The following CRYBG2 variants were observed in gnomAD, a reference collection of about 807,000 sequenced individuals.
The protein encoded by CRYBG2 is beta/gamma crystallin domain-containing protein 2.
In CRYBG2, 106 loss-of-function variants were observed where a neutral mutation model predicts 153.4. The observed-to-expected ratio is 0.69, with a 90% CI of 0.59 to 0.81. CRYBG2 has a LOEUF of 0.81. CRYBG2 is among the 30% of genes least tolerant of loss of function. The probability of loss-of-function intolerance (pLI) is 0.00; values close to 1 mark genes in which losing one functional copy is unlikely to be tolerated. For synonymous variants in CRYBG2, 851 were observed against 877.8 expected (o/e 0.97, Z 0.54); for missense variants, 1,996 against 2,112.0 (o/e 0.95, Z 1.08).
intron 18 of CRYBG2, 49 bp downstream of exon 18, chr1:26,324,103 G>A (rs759914836): frequency 2.5e-6 from 4 of 1,583,370 alleles, no homozygotes; most frequent in Non-Finnish European, 2.6e-6. Flanking sequence ...GAGTGGACCT[G>A]CAAATGCCTA....
Position 26,325,487 on chromosome 1 carries a change from G to A in CRYBG2, c.4579-1177C>T, listed in dbSNP as rs1302810837. Among the ~76,000 whole-genome samples the A allele has an allele frequency of 2.0e-5, 3 of 150,684 alleles. No individual in the cohort carries two copies. The highest frequency in any genetic ancestry group is 4.4e-5 in the Non-Finnish European group (3 of 67,598). ...AGGCAGGAGAATCGCTTGAACCCGG[G>A]AGATGTAGGTTGCAGTGAGCCGAGA... On this transcript the variant is annotated intron_variant, in intron 17 of 19. Transcript: ENST00000308182. This position sits in a 1 kb window ranked among gnomAD's most constrained non-coding sequence, Gnocchi z 4.1.
intron 17 of CRYBG2, chr1:26,326,996 T>G (rs2073933745): frequency 2.0e-6 from 1 of 507,706 alleles, no homozygotes; most frequent in African/African-American, 1.9e-5. Flanking sequence ...AAAATCCTTA[T>G]GAAAGTGTTG....
rs1382811708 is a variant in CRYBG2 at position 26,342,867 on chromosome 1, C to G, written c.3091G>C (p.Glu1031Gln). Reference sequence around the variant, plus strand: ...AGCTTCTGACCCCGGAACTCTGGCTCTTCGTACAGCACCCAGCTGTGGGCA... The same window carrying G: ...AGCTTCTGACCCCGGAACTCTGGCTGTTCGTACAGCACCCAGCTGTGGGCA... ...VVRGCWVLYE[E>Q]PEFRGQKLVL... The change falls in exon 5 of 20, where the codon GAG becomes CAG. Residue 1031 changes from glutamate (E) to glutamine (Q), a missense_variant. Coordinates refer to ENST00000308182, the MANE Select transcript of CRYBG2 (RefSeq NM_001039775.4). 6.2e-7 allele frequency: 1 copy of G among 1,614,154 alleles called. No individual in the cohort carries two copies. The highest frequency in any genetic ancestry group is 8.5e-7 in the Non-Finnish European group (1 of 1,180,022).
intron 1 of CRYBG2, among the ~76,000 whole-genome samples, chr1:26,348,387 C>A (rs2074249533): frequency 6.6e-6 from 1 of 152,096 alleles, no homozygotes; most frequent in South Asian, 2.1e-4. Flanking sequence ...AAAGACTCTA[C>A]AAGTCTCTAC....
In CRYBG2 at chr1:26,336,416, T is replaced by C; in HGVS notation, c.4039-46A>G. 6.2e-7 allele frequency: 1 copy of C among 1,604,756 alleles called. No individual in the cohort carries two copies. The highest frequency in any genetic ancestry group is 2.3e-5 in the East Asian group (1 of 44,340). ...GAGAATTAGGGAGGGTGCCGGCCCCTAGCCTTGTCTTCTCTAGGTTTCAGT... is the reference window on the plus strand; with the variant it reads ...GAGAATTAGGGAGGGTGCCGGCCCCCAGCCTTGTCTTCTCTAGGTTTCAGT... On this transcript the variant is annotated intron_variant, in intron 12 of 19. Coordinates refer to ENST00000308182, the MANE Select transcript of CRYBG2 (RefSeq NM_001039775.4). The surrounding 1 kb of genome is among the most constrained non-coding windows in gnomAD (Gnocchi z 4.9).
chr1:26,341,411 T>A (rs892234746), intron 5 of CRYBG2, among the ~76,000 whole-genome samples: 1 of 152,190 alleles, frequency 6.6e-6, no homozygotes, highest in Non-Finnish European at 1.5e-5. Flanking sequence ...TTACAGTCAT[T>A]GCTCTTCCTT....
rs1452407774 is a variant in CRYBG2, at chr1:26,321,875, C to T, written c.*93G>A. 1.8e-6 allele frequency: 2 copies of T among 1,121,416 alleles called. No individual in the cohort carries two copies. The highest frequency in any genetic ancestry group is 2.5e-6 in the Non-Finnish European group (2 of 806,106). 69.5% of individuals were successfully genotyped at this position (1,121,416 alleles called of 1,614,324 possible). On this transcript the variant is annotated 3_prime_UTR_variant, in exon 20 of 20. Coordinates refer to ENST00000308182, the MANE Select transcript of CRYBG2 (RefSeq NM_001039775.4). ...GCACAGAGACAAGGGTACCTGGCAG[C>T]ATATTAGAAAATAGCTTATGTTACA... is the stretch of plus-strand genomic sequence containing the variant.
At chr1:26,324,423 C>A (rs1035869361) in intron 17 of CRYBG2, 113 bp from the exon 18 acceptor site, 1 of 1,182,946 alleles carries the variant, frequency 8.5e-7, no homozygotes, top group Non-Finnish European at 1.1e-6. Context: ...TCCCTCCTGT[C>A]CCCAAACCTT....
Position 26,324,164 on chromosome 1 carries a change from C to A in CRYBG2, c.4725G>T (p.Leu1575=). 1 of 1,613,446 alleles carries A rather than the reference C, an allele frequency of 6.2e-7. No individual in the cohort carries two copies. Among genetic ancestry groups the A allele is most frequent in the South Asian group, 1.1e-5 (1 of 91,034 alleles). ...CCTGTATCAGTACCTGGTTCTTCAG[C>A]AGCCCATCCTCGTAGTACCAGATGC... The part of the protein sequence containing the change: ...GSCIWYYEDG[L]LKNQMAPTMS... The change falls in exon 18 of 20, where the codon CTG becomes CTT. Residue 1575 remains leucine, a synonymous_variant. Coordinates refer to ENST00000308182, the MANE Select transcript of CRYBG2 (RefSeq NM_001039775.4).
intron 18 of CRYBG2, 77 bp from the exon 19 acceptor site, chr1:26,322,400 C>G (rs2073871066): frequency 4.0e-6 from 6 of 1,495,308 alleles, no homozygotes; most frequent in Non-Finnish European, 4.5e-6. Context: ...CTTGACCCAT[C>G]TGCTCTGAAT....
At chr1:26,328,495 G>T in intron 16 of CRYBG2, 163 bp from the exon 17 acceptor site, 1 of 1,226,686 alleles carries the variant, frequency 8.2e-7, no homozygotes. Context: ...GAGGGAGGCT[G>T]GGAAGTAGAT....
rs1278723027 is a variant in CRYBG2, at chr1:26,325,672, CA to C, written c.4579-1363del. Among the ~76,000 whole-genome samples, 1 of 151,912 alleles carries C rather than the reference CA, an allele frequency of 6.6e-6. No homozygotes were observed. Among genetic ancestry groups the C allele is most frequent in the Non-Finnish European group, 1.5e-5 (1 of 67,982 alleles). On this transcript the variant is annotated intron_variant, in intron 17 of 19. Transcript: ENST00000308182. This position sits in a 1 kb window ranked among gnomAD's most constrained non-coding sequence, Gnocchi z 4.1. ...ACCAGAGCACACAGATGCATGGACA[CA>C]AATAACCTGATGAGCACAGAAATAC...
intron 18 of CRYBG2, among the ~76,000 whole-genome samples, chr1:26,323,773 C>G (rs1447845261): frequency 6.6e-6 from 1 of 152,108 alleles, no homozygotes; most frequent in African/African-American, 2.4e-5. Flanking sequence ...CACCACCACA[C>G]CCAGTTAATT....
At chr1:26,328,568 G>A (rs2073960719) in intron 16 of CRYBG2, 166 bp downstream of exon 16, 1 of 1,193,686 alleles carries the variant, frequency 8.4e-7, no homozygotes, top group Non-Finnish European at 1.2e-6. Flanking sequence ...TAAGCCCTGA[G>A]AGCCAGTGAC....
In CRYBG2 at chr1:26,345,402, G is replaced by T. The variant is rs1404635243; in HGVS notation, c.1256C>A (p.Pro419His). The T allele has an allele frequency of 7.4e-6, 12 of 1,612,508 alleles. No individual in the cohort carries two copies. Among genetic ancestry groups the T allele is most frequent in the Non-Finnish European group, 1.0e-5 (12 of 1,179,484 alleles). Residue 419 changes from proline (P) to histidine (H), a missense_variant, in exon 2 of 20, where the codon CCT becomes CAT. Physicochemically the swap from Pro to His is moderately conservative, Grantham distance 77 (BLOSUM62 -2). Transcript: ENST00000308182. ...RSEHVTVPGQ[P>H]PAPSTTRRKD... is the part of the protein sequence containing the mutation. ...CCTTCTTGTAGTGGATGGAGCAGGAGGTTGTCCAGGGACTGTCACATGCTC... is the reference window on the plus strand; with the variant it reads ...CCTTCTTGTAGTGGATGGAGCAGGATGTTGTCCAGGGACTGTCACATGCTC...
In CRYBG2 at chr1:26,344,224, C is replaced by T. The variant is rs2074171093; in HGVS notation, c.2434G>A (p.Val812Met). The T allele has an allele frequency of 1.3e-6, 2 of 1,535,440 alleles. No homozygotes were observed. The highest frequency in any genetic ancestry group is 1.4e-5 in the African/African-American group (1 of 73,024). The change falls in exon 2 of 20, where the codon GTG becomes ATG. Residue 812 changes from valine to methionine, a missense_variant. Transcript: ENST00000308182. Reference protein sequence around the residue: ...AIEEDQLGPWVLGPGPQEVPS... With the variant: ...AIEEDQLGPWMLGPGPQEVPS... ...ACCTCCTGGGGTCCGGGGCCCAGCA[C>T]CCATGGCCCCAGCTGGTCCTCCTCA...
At chr1:26,332,515 G>A (rs977396954) in intron 14 of CRYBG2, among the ~76,000 whole-genome samples, 1 of 151,726 alleles carries the variant, frequency 6.6e-6, no homozygotes, top group Non-Finnish European at 1.5e-5. Flanking sequence ...TATTGTTGTT[G>A]TTGTTGTTGA....
At chr1:26,342,620 A>C (rs994058832) in intron 5 of CRYBG2, 134 bp downstream of exon 5, 4 of 1,341,694 alleles carry the variant, frequency 3.0e-6, no homozygotes, top group African/African-American at 1.5e-5. Context: ...GCTGGTCTCC[A>C]ACTCCTGTCC....
Position 26,331,582 on chromosome 1 carries a change from G to C in CRYBG2, c.4221C>G (p.Asp1407Glu), listed in dbSNP as rs2073997773. 13 of 1,614,110 alleles carry C rather than the reference G, an allele frequency of 8.1e-6. No individual in the cohort carries two copies. The highest frequency in any genetic ancestry group is 1.1e-5 in the Non-Finnish European group (13 of 1,180,034). Reference sequence around the variant, plus strand: ...ACTCGCCCTCAGAGAGAATGTGCTGGTCACCCTCGAAGTTCGTCTCATCAA... The same window carrying C: ...ACTCGCCCTCAGAGAGAATGTGCTGCTCACCCTCGAAGTTCGTCTCATCAA... ...ILFDETNFEG[D>E]QHILSEGEFP... The change falls in exon 15 of 20, where the codon GAC (aspartate) becomes GAG (glutamate). Residue 1407 changes from aspartate (D) to glutamate (E), a missense_variant. Coordinates refer to ENST00000308182, the MANE Select transcript of CRYBG2 (RefSeq NM_001039775.4).
Sources: gnomAD v4.1 joint callset for allele counts (sites outside exome capture counted in the v4.1 genomes callset) on GRCh38, gnomAD v4.1.1 for gene constraint, Gnocchi (gnomAD v3.1) non-coding constraint, MANE v1.5 for transcripts, NCBI Gene and HGNC (gene_info 2026-07-23, HGNC 2026-07-21) for gene names.